The following DCC variants were observed in gnomAD, a reference collection of about 807,000 sequenced individuals.
The protein encoded by DCC is DCC netrin 1 receptor, also known as netrin receptor DCC.
In DCC, 58 loss-of-function variants were observed where a neutral mutation model predicts 172.5. The ratio of observed to expected loss-of-function variants is 0.34; its 90% CI spans 0.27 to 0.42. The LOEUF is 0.42. DCC is among the 10% of genes least tolerant of loss of function. The pLI is 1.00. For missense variants in DCC, 1,740 were observed against 1,791.0 expected (o/e 0.97, Z 0.51); for synonymous variants, 709 against 644.5 (o/e 1.10, Z -1.52).
intron 1 of DCC, among the ~76,000 whole-genome samples, chr18:52,607,037 A>C (rs530601271): frequency 1.3e-5 from 2 of 152,152 alleles, no homozygotes; most frequent in South Asian, 4.1e-4. Context: ...TTTTTGCTAT[A>C]TTTGTCAGGA....
intron 1 of DCC, among the ~76,000 whole-genome samples, chr18:52,674,485 T>C (rs1189853329): frequency 6.6e-6 from 1 of 152,148 alleles, no homozygotes; most frequent in Non-Finnish European, 1.5e-5. Flanking sequence ...CCAATGTTAA[T>C]CTCTTCCAGA....
intron 1 of DCC, among the ~76,000 whole-genome samples, chr18:52,441,490 C>T (rs1258086560): frequency 6.6e-6 from 1 of 151,916 alleles, no homozygotes; most frequent in Non-Finnish European, 1.5e-5. Flanking sequence ...GTTTTAAATC[C>T]TATCACCATA....
chr18:52,388,532 A>G (rs1437339116), intron 1 of DCC, among the ~76,000 whole-genome samples: 1 of 150,792 alleles, frequency 6.6e-6, no homozygotes, highest in African/African-American at 2.4e-5. Flanking sequence ...ACGGAAATCT[A>G]TACTGTATTT....
At chr18:52,988,922 A>AT (rs1171533985) in intron 5 of DCC, among the ~76,000 whole-genome samples, 5 of 151,420 alleles carry the variant, frequency 3.3e-5, no homozygotes, top group South Asian at 2.1e-4. Flanking sequence ...ACATGGTATT[A>AT]TTTTGAAAAA....
intron 1 of DCC, among the ~76,000 whole-genome samples, chr18:52,517,374 G>C (rs1049877425): frequency 6.6e-6 from 1 of 152,158 alleles, no homozygotes; most frequent in Non-Finnish European, 1.5e-5. Context: ...CTGCATTGCA[G>C]GTAGAAAGGA....
At chr18:52,671,459 A>T (rs1434171231) in intron 1 of DCC, among the ~76,000 whole-genome samples, 2 of 151,216 alleles carry the variant, frequency 1.3e-5, no homozygotes, top group Non-Finnish European at 2.9e-5. Context: ...AAAGGCTCAG[A>T]TGATGTAGTT....
At chr18:52,608,831 TA>T (rs1290275467) in intron 1 of DCC, among the ~76,000 whole-genome samples, 1 of 152,192 alleles carries the variant, frequency 6.6e-6, no homozygotes, top group East Asian at 1.9e-4. Context: ...GAGTGGGATG[TA>T]AAAACCAAAC....
chr18:53,361,614 T>C (rs2057948627), intron 15 of DCC, among the ~76,000 whole-genome samples: 1 of 152,156 alleles, frequency 6.6e-6, no homozygotes, highest in African/African-American at 2.4e-5. Context: ...CAGTCAATTG[T>C]TGGCCAGTCA....
chr18:52,709,632 T>G (rs1471060978), intron 1 of DCC, among the ~76,000 whole-genome samples: 1 of 152,194 alleles, frequency 6.6e-6, no homozygotes, highest in Non-Finnish European at 1.5e-5. Flanking sequence ...ACAGAATGTA[T>G]GCTATTTTAT....
At chr18:53,495,617 C>T (rs1430052576) in intron 26 of DCC, among the ~76,000 whole-genome samples, 1 of 152,002 alleles carries the variant, frequency 6.6e-6, no homozygotes, top group Non-Finnish European at 1.5e-5. Context: ...GGTAGCTGTT[C>T]TCGAGGAGTA....
chr18:52,538,253 T>A (rs2032341623), intron 1 of DCC, among the ~76,000 whole-genome samples: 1 of 152,198 alleles, frequency 6.6e-6, no homozygotes, highest in South Asian at 2.1e-4. Context: ...CCTTTCTGCC[T>A]TCTTCACAGT....
intron 2 of DCC, among the ~76,000 whole-genome samples, chr18:52,856,442 G>A (rs1187061236): frequency 2.0e-5 from 3 of 151,406 alleles, no homozygotes; most frequent in Non-Finnish European, 1.5e-5. Flanking sequence ...TGGCTAACAC[G>A]GTGAAACACC....
At chr18:52,908,263 T>A (rs2039920033) in intron 3 of DCC, among the ~76,000 whole-genome samples, 2 of 152,200 alleles carry the variant, frequency 1.3e-5, no homozygotes, top group Admixed American at 6.5e-5. Flanking sequence ...AACCTCTCTT[T>A]TGCAGATTCT....
intron 22 of DCC, among the ~76,000 whole-genome samples, chr18:53,444,808 A>C (rs1434482896): frequency 6.6e-6 from 1 of 152,174 alleles, no homozygotes; most frequent in Non-Finnish European, 1.5e-5. Flanking sequence ...AACCAAAACC[A>C]CAGTATTTCT....
chr18:52,812,969 G>C (rs1764020251), intron 2 of DCC, among the ~76,000 whole-genome samples: 1 of 152,160 alleles, frequency 6.6e-6, no homozygotes, highest in South Asian at 2.1e-4. Context: ...TTGTAGAGTG[G>C]GGAGGGTATT....
At chr18:53,480,561 T>C (rs2045819763) in intron 25 of DCC, among the ~76,000 whole-genome samples, 2 of 152,190 alleles carry the variant, frequency 1.3e-5, no homozygotes, top group Admixed American at 6.6e-5. Context: ...TTTTAAACAA[T>C]ATTTTCAATT....
intron 21 of DCC, among the ~76,000 whole-genome samples, 168 bp from the exon 22 acceptor site, chr18:53,434,976 T>C (rs1225067498): frequency 2.6e-5 from 4 of 152,172 alleles, no homozygotes; most frequent in Admixed American, 6.5e-5. Flanking sequence ...TTCTCACACA[T>C]GGAAAATAAC....
chr18:52,390,094 G>C (rs894945825), intron 1 of DCC, among the ~76,000 whole-genome samples: 3 of 151,894 alleles, frequency 2.0e-5, no homozygotes, highest in Non-Finnish European at 4.4e-5. Context: ...TGCTTTCCCC[G>C]CCACAAACAG....
chr18:52,949,919 T>A (rs918652231), intron 5 of DCC, among the ~76,000 whole-genome samples: 1 of 152,162 alleles, frequency 6.6e-6, no homozygotes, highest in African/African-American at 2.4e-5. Flanking sequence ...AAAAAGAATG[T>A]AGAAGGCTAA....
Sources: allele counts gnomAD v4.1 joint callset (sites outside exome capture counted in the v4.1 genomes callset), GRCh38; gene constraint gnomAD v4.1.1; transcripts MANE v1.5; gene names NCBI Gene and HGNC (gene_info 2026-07-23, HGNC 2026-07-21).